The following CNTNAP3B variants were observed in gnomAD, a reference collection of about 807,000 sequenced individuals.
CNTNAP3B encodes contactin-associated protein-like 3B.
A neutral mutation model predicts 108.9 loss-of-function variants in CNTNAP3B; 25 were observed. The ratio of observed to expected loss-of-function variants is 0.23; its 90% CI spans 0.17 to 0.32. CNTNAP3B has a LOEUF of 0.32. Ranked by LOEUF, CNTNAP3B falls within the 10% of genes least tolerant of loss-of-function variation. CNTNAP3B has a pLI of 1.00. For synonymous variants in CNTNAP3B, 103 were observed against 473.4 expected (o/e 0.22, Z 10.16); for missense variants, 252 against 1,210.4 (o/e 0.21, Z 11.75).
intron 3 of CNTNAP3B, among the ~76,000 whole-genome samples, chr9:42,014,933 A>C (rs1412173680): frequency 3.4e-5 from 1 of 29,630 alleles, no homozygotes; most frequent in Non-Finnish European, 6.3e-5. Flanking sequence ...GCCTTAGTGA[A>C]TGTGGTCAAT....
At position 41,997,563 on chromosome 9, in the gene CNTNAP3B, AT is replaced by A; in HGVS notation, c.927+4del. The A allele has an allele frequency of 6.2e-7, 1 of 1,606,592 alleles. No homozygotes were observed. Among genetic ancestry groups the A allele is most frequent in the Non-Finnish European group, 8.5e-7 (1 of 1,176,366 alleles). The stretch of plus-strand genomic sequence containing the variant: ...ATTTAATTTAAACTATATATCTATA[AT>A]AACCTCAAAATTAAGATCCAAGTTA... On this transcript the variant is annotated splice_donor_region_variant and intron_variant, in intron 6 of 23. Coordinates refer to ENST00000377561, the MANE Select transcript of CNTNAP3B (RefSeq NM_001201380.3).
At chr9:42,128,002 G>A (rs1458217358) in intron 1 of CNTNAP3B, among the ~76,000 whole-genome samples, 2 of 139,296 alleles carry the variant, frequency 1.4e-5, no homozygotes, top group Admixed American at 1.4e-4. Flanking sequence ...ATTTTGGTAG[G>A]AGAGGGCTGA....
At chr9:42,070,223 A>C (rs1267195536) in intron 3 of CNTNAP3B, among the ~76,000 whole-genome samples, 3 of 150,212 alleles carry the variant, frequency 2.0e-5, no homozygotes, top group African/African-American at 7.4e-5. Flanking sequence ...GTGTGTGTGT[A>C]CTTGCCTCTG....
At chr9:42,036,185 ATG>A (rs1826626169) in intron 3 of CNTNAP3B, among the ~76,000 whole-genome samples, 1 of 148,504 alleles carries the variant, frequency 6.7e-6, no homozygotes, top group African/African-American at 2.5e-5. Context: ...GACTACAGGC[ATG>A]AGCAATCCTA....
rs1206910980 is a variant in CNTNAP3B at position 42,110,342 on chromosome 9, A to T, written c.86-5603T>A. Among the ~76,000 whole-genome samples the T allele has an allele frequency of 2.2e-5, 3 of 136,702 alleles. 1 individual carries two copies. The highest frequency in any genetic ancestry group is 8.8e-5 in the African/African-American group (3 of 34,012). 89.7% of individuals were successfully genotyped at this position (136,702 alleles called of 152,430 possible). On this transcript the variant is annotated intron_variant, in intron 1 of 23. Transcript: ENST00000377561. ...GCGGCTGCACTTGCTCCTCACTGTG[A>T]AAGGAGCTAAGCACTGTGTCGGCGG...
intron 3 of CNTNAP3B, among the ~76,000 whole-genome samples, chr9:42,055,300 T>TAG (rs1255638847): frequency 7.3e-6 from 1 of 136,272 alleles, no homozygotes; most frequent in East Asian, 2.3e-4. Context: ...AGTATATATA[T>TAG]ATATATACAT....
At chr9:41,928,551 C>A (rs992088214) in intron 15 of CNTNAP3B, among the ~76,000 whole-genome samples, 10 of 152,260 alleles carry the variant, frequency 6.6e-5, no homozygotes, top group African/African-American at 1.9e-4. Flanking sequence ...AGACACCACA[C>A]CATCTGGCAC....
intron 2 of CNTNAP3B, among the ~76,000 whole-genome samples, chr9:42,095,192 C>G (rs1350976161): frequency 7.2e-6 from 1 of 138,394 alleles, no homozygotes; most frequent in Non-Finnish European, 1.5e-5. Flanking sequence ...TCTCCTCTAG[C>G]GTCTGGTAAC....
intron 10 of CNTNAP3B, among the ~76,000 whole-genome samples, chr9:41,967,703 T>C (rs867663303): frequency 6.6e-6 from 1 of 152,292 alleles, no homozygotes; most frequent in Non-Finnish European, 1.5e-5. Flanking sequence ...TCATTTTGTG[T>C]CCCCAAAGTT....
chr9:42,115,801 C>A (rs568554322), intron 1 of CNTNAP3B, among the ~76,000 whole-genome samples: 1 of 119,510 alleles, frequency 8.4e-6, no homozygotes, highest in South Asian at 2.8e-4. Context: ...AAAATCAGAG[C>A]ACCTCTTCTC....
chr9:41,914,537 TTTG>T (rs1823478158), intron 18 of CNTNAP3B, among the ~76,000 whole-genome samples: 3 of 152,106 alleles, frequency 2.0e-5, no homozygotes, highest in African/African-American at 7.2e-5. Context: ...ATAATCTATT[TTTG>T]TTGTTGTTGT....
intron 14 of CNTNAP3B, among the ~76,000 whole-genome samples, chr9:41,933,281 T>G (rs889486704): frequency 1.3e-5 from 2 of 152,302 alleles, no homozygotes; most frequent in African/African-American, 4.8e-5. Flanking sequence ...GATTTCTAAT[T>G]AATAGACACT....
At chr9:41,919,566 G>A (rs1414527035) in intron 18 of CNTNAP3B, among the ~76,000 whole-genome samples, 4 of 152,294 alleles carry the variant, frequency 2.6e-5, no homozygotes. Context: ...CTTCTAGTTA[G>A]TATGCTTGTT....
intron 11 of CNTNAP3B, among the ~76,000 whole-genome samples, chr9:41,964,321 C>CT (rs1429802368): frequency 6.6e-6 from 1 of 152,124 alleles, no homozygotes; most frequent in Non-Finnish European, 1.5e-5. Context: ...TTGCCAGTTT[C>CT]TTTTTTTCAA....
intron 3 of CNTNAP3B, among the ~76,000 whole-genome samples, chr9:42,021,519 CA>C: frequency 1.9e-5 from 2 of 107,110 alleles, no homozygotes; most frequent in South Asian, 7.1e-4. Context: ...ACAGATCCAT[CA>C]ATGAACAATA....
At chr9:41,967,266 C>T (rs1825308775) in intron 10 of CNTNAP3B, among the ~76,000 whole-genome samples, 1 of 152,272 alleles carries the variant, frequency 6.6e-6, no homozygotes, top group South Asian at 2.1e-4. Flanking sequence ...GTAACTGAAT[C>T]ATGCAGGCAG....
chr9:41,927,576 T>A (rs1381813602), intron 15 of CNTNAP3B, among the ~76,000 whole-genome samples: 3 of 150,542 alleles, frequency 2.0e-5, no homozygotes, highest in Non-Finnish European at 4.4e-5. Flanking sequence ...GAAGGAGCCA[T>A]CTGAATGGGA....
At chr9:42,090,135 GTCTCACA>G (rs1316198808) in intron 2 of CNTNAP3B, among the ~76,000 whole-genome samples, 1 of 132,826 alleles carries the variant, frequency 7.5e-6, no homozygotes, top group Non-Finnish European at 1.6e-5. Context: ...ATGGAAAGTT[GTCTCACA>G]TAAAATGCTA....
intron 2 of CNTNAP3B, among the ~76,000 whole-genome samples, chr9:42,087,587 A>G (rs1311515103): frequency 6.9e-6 from 1 of 144,362 alleles, no homozygotes; most frequent in Non-Finnish European, 1.5e-5. Context: ...ATATGCTGAA[A>G]CTCATGTTGT....
Sources: allele counts gnomAD v4.1 joint callset (sites outside exome capture counted in the v4.1 genomes callset), GRCh38; gene constraint gnomAD v4.1.1; transcripts MANE v1.5; gene names NCBI Gene and HGNC (gene_info 2026-07-23, HGNC 2026-07-21).